LSM14A: variants seen among roughly 807,000 people sequenced by gnomAD.
LSM14A encodes LSM14A mRNA processing body assembly factor.
Under a neutral mutation model 52.4 loss-of-function variants are expected in LSM14A, and 14 were observed. That is an observed-to-expected ratio of 0.27 (90% CI 0.18 to 0.42). The LOEUF is 0.42. LSM14A is among the 10% of genes least tolerant of loss of function. LSM14A has a pLI of 1.00. For synonymous variants in LSM14A, 185 were observed against 200.3 expected, an observed-to-expected ratio of 0.92 and a Z score of 0.64; for missense variants, 417 against 581.8, an observed-to-expected ratio of 0.72 and a Z score of 2.91.
At chr19:34,220,579 G>A (rs2072989249) in intron 8 of LSM14A, among the ~76,000 whole-genome samples, 1 of 151,708 alleles carries the variant, frequency 6.6e-6, no homozygotes, top group Non-Finnish European at 1.5e-5. Context: ...CCCAGTGTGA[G>A]GAACTAACAG....
At chr19:34,220,233 C>T (rs2072959794) in intron 8 of LSM14A, among the ~76,000 whole-genome samples, 1 of 152,178 alleles carries the variant, frequency 6.6e-6, no homozygotes, top group South Asian at 2.1e-4. Flanking sequence ...ACTAGGATTA[C>T]AGGCGTGAGC....
chr19:34,214,418 C>A (rs11879371), intron 4 of LSM14A, among the ~76,000 whole-genome samples: 3,724 of 151,940 alleles, frequency 0.025, 152 homozygotes, highest in African/African-American at 0.087. Context: ...TTCAAGCTAT[C>A]CCATCTCAGC....
At chr19:34,179,150 G>A (rs921145616) in intron 1 of LSM14A, among the ~76,000 whole-genome samples, 12 of 152,214 alleles carry the variant, frequency 7.9e-5, no homozygotes, top group African/African-American at 2.7e-4. Context: ...TATGAAGAAC[G>A]ATTATATAAG....
chr19:34,199,763 G>A (rs1455930464), intron 3 of LSM14A, among the ~76,000 whole-genome samples: 2 of 152,100 alleles, frequency 1.3e-5, no homozygotes, highest in East Asian at 1.9e-4. Context: ...CAAAGGAAAA[G>A]ACATACTTTT....
intron 1 of LSM14A, among the ~76,000 whole-genome samples, chr19:34,188,030 T>A (rs2070059765): frequency 1.3e-5 from 2 of 152,132 alleles, no homozygotes; most frequent in Non-Finnish European, 1.5e-5. Flanking sequence ...CACCTGTATG[T>A]AATTCCAGCA....
rs1277579230 is a variant in LSM14A, at chr19:34,192,313, T to TTTG, written c.122-2159_122-2157dup. 1.6e-3 allele frequency among the ~76,000 whole-genome samples: 164 copies of TTTG among 100,224 alleles called. 1 individual carries two copies. The highest frequency in any genetic ancestry group is 5.8e-3 in the African/African-American group (153 of 26,268). 65.8% of individuals were successfully genotyped at this position (100,224 alleles called of 152,430 possible). A position where few individuals can be genotyped will look rare whatever the true frequency, so the allele number is the denominator to read the frequency against. Reference sequence around the variant, plus strand: ...TTATTTACACTGAAATAACATTCTTTTTGTTGTTTTTTTTTTTTTTTTTTT... The same window carrying TTTG: ...TTATTTACACTGAAATAACATTCTTTTTGTTGTTGTTTTTTTTTTTTTTTTTTT... On this transcript the variant is annotated intron_variant, in intron 1 of 9. Coordinates refer to ENST00000544216, the MANE Select transcript of LSM14A (RefSeq NM_015578.4).
intron 4 of LSM14A, among the ~76,000 whole-genome samples, chr19:34,212,556 A>G (rs2072248188): frequency 1.3e-5 from 2 of 152,240 alleles, no homozygotes; most frequent in African/African-American, 4.8e-5. Context: ...ACAAATGACA[A>G]GTCCTAAGAG....
chr19:34,211,405 A>G (rs899895356), intron 4 of LSM14A, among the ~76,000 whole-genome samples: 11 of 152,204 alleles, frequency 7.2e-5, no homozygotes, highest in Admixed American at 5.9e-4. Context: ...AAAATATATA[A>G]TAAGAAATAA....
At chr19:34,191,228 A>G (rs1020304918) in intron 1 of LSM14A, among the ~76,000 whole-genome samples, 2 of 151,560 alleles carry the variant, frequency 1.3e-5, no homozygotes, top group South Asian at 2.1e-4. Flanking sequence ...TACCCTTTCA[A>G]TGTTGTTTTG....
intron 6 of LSM14A, 100 bp downstream of exon 6, chr19:34,215,761 G>C (rs1318049585): frequency 1.2e-6 from 1 of 833,598 alleles, no homozygotes; most frequent in African/African-American, 1.7e-5. Context: ...AAAGGCGGGG[G>C]TTGTGACTGT....
At chr19:34,182,125 C>CA (rs1204002459) in intron 1 of LSM14A, among the ~76,000 whole-genome samples, 13 of 152,188 alleles carry the variant, frequency 8.5e-5, no homozygotes, top group African/African-American at 3.1e-4. Context: ...CAGAGATACT[C>CA]AGATTCCTGT....
At position 34,215,740 on chromosome 19, in the gene LSM14A, A is replaced by T. The variant is rs999596468; in HGVS notation, c.781+79A>T. On this transcript the variant is annotated intron_variant, in intron 6 of 9. Coordinates refer to ENST00000544216, the MANE Select transcript of LSM14A (RefSeq NM_015578.4). ...TTTAAATATATGATACATAATTACT[A>T]TAAAAAAATGAAAGGCGGGGGTTGT... 8 of 1,049,134 alleles carry T rather than the reference A, an allele frequency of 7.6e-6. No individual in the cohort carries two copies. The African/African-American group carries it at 1.1e-4, about 15-fold the overall frequency. 65.0% of individuals were successfully genotyped at this position (1,049,134 alleles called of 1,614,324 possible).
At chr19:34,177,526 G>A (rs2069166545) in intron 1 of LSM14A, among the ~76,000 whole-genome samples, 1 of 152,064 alleles carries the variant, frequency 6.6e-6, no homozygotes, top group African/African-American at 2.4e-5. Context: ...TATATAATTA[G>A]GGTAACCATA....
chr19:34,175,015 A>G (rs1405766443), intron 1 of LSM14A, among the ~76,000 whole-genome samples: 1 of 152,230 alleles, frequency 6.6e-6, no homozygotes, highest in Non-Finnish European at 1.5e-5. Flanking sequence ...CCCACATTTT[A>G]AAAAACTTTT....
intron 1 of LSM14A, among the ~76,000 whole-genome samples, chr19:34,192,316 G>GTT (rs1306000214): frequency 0.027 from 1,781 of 65,264 alleles, 69 homozygotes; most frequent in Middle Eastern, 0.043. Flanking sequence ...CATTCTTTTT[G>GTT]TTGTTTTTTT....
At chr19:34,207,532 ATTT>A (rs1316686200) in intron 3 of LSM14A, among the ~76,000 whole-genome samples, 2 of 136,172 alleles carry the variant, frequency 1.5e-5, no homozygotes, top group Admixed American at 7.4e-5. Flanking sequence ...CTGAAGCCAC[ATTT>A]TTTTTTTTTT....
chr19:34,227,343 TA>T (rs1475424349), intron 9 of LSM14A, 21 bp from the exon 10 acceptor site: 18 of 1,560,714 alleles, frequency 1.2e-5, no homozygotes, highest in Admixed American at 1.9e-5. Flanking sequence ...GAACATGAGC[TA>T]AATTTTTTTT....
chr19:34,197,579 C>T (rs2070952646), intron 3 of LSM14A, among the ~76,000 whole-genome samples: 2 of 151,268 alleles, frequency 1.3e-5, no homozygotes, highest in African/African-American at 4.9e-5. Context: ...GCTGGGATTA[C>T]AGGTGTGCGC....
chr19:34,226,586 G>A lies in LSM14A; in HGVS notation c.1369-779G>A, dbSNP rs878916583. ...ATATGTATTTCAGTTTAATAACGGG[G>A]TGCAAATGTTTTGGTGTTGTATACA... On this transcript the variant is annotated intron_variant, in intron 9 of 9. Transcript: ENST00000544216. The A allele has an allele frequency of 1.6e-5, 13 of 834,296 alleles. No individual in the cohort carries two copies. The Admixed American group carries it at 3.0e-4, about 20-fold the overall frequency. The allele number at this position is 834,296 out of a possible 1,614,324, so 51.7% of individuals were successfully genotyped here.
Sources: allele counts gnomAD v4.1 joint callset (sites outside exome capture counted in the v4.1 genomes callset), GRCh38; gene constraint gnomAD v4.1.1; transcripts MANE v1.5; gene names NCBI Gene and HGNC (gene_info 2026-07-23, HGNC 2026-07-21).